The following SLC35F4 variants were observed in gnomAD, a reference collection of about 807,000 sequenced individuals.
SLC35F4 encodes chromosome 14 open reading frame 36.
SLC35F4 carries 24 observed loss-of-function variants against 44.2 expected under a neutral mutation model. That is an observed-to-expected ratio of 0.54 (90% CI 0.39 to 0.76). The LOEUF (loss-of-function observed/expected upper bound fraction) is 0.76. SLC35F4 is among the 30% of genes least tolerant of loss of function. The probability of loss-of-function intolerance (pLI) is 0.00; values close to 1 mark genes in which losing one functional copy is unlikely to be tolerated. For missense variants in SLC35F4, 562 were observed against 586.1 expected (o/e 0.96, Z 0.42); for synonymous variants, 238 against 223.6 (o/e 1.06, Z -0.57).
intron 1 of SLC35F4, among the ~76,000 whole-genome samples, chr14:57,937,352 G>A (rs963957833): frequency 1.4e-4 from 21 of 152,028 alleles, no homozygotes; most frequent in African/African-American, 4.3e-4. Flanking sequence ...ACAGGCGCGA[G>A]CCACCGCACC....
At chr14:57,774,540 T>C (rs2077443304) in intron 1 of SLC35F4, among the ~76,000 whole-genome samples, 1 of 152,168 alleles carries the variant, frequency 6.6e-6, no homozygotes, top group Non-Finnish European at 1.5e-5. Flanking sequence ...AGGGGAACTG[T>C]CTGACCTGAA....
chr14:57,722,807 CAA>C (rs1170981473), intron 1 of SLC35F4, among the ~76,000 whole-genome samples: 1 of 152,124 alleles, frequency 6.6e-6, no homozygotes, highest in Non-Finnish European at 1.5e-5. Flanking sequence ...GTTGAATGGA[CAA>C]AAGACAAATT....
chr14:57,731,215 G>A (rs1283426186), intron 1 of SLC35F4, among the ~76,000 whole-genome samples: 1 of 152,104 alleles, frequency 6.6e-6, no homozygotes, highest in Admixed American at 6.6e-5. Flanking sequence ...CACTAAAGGT[G>A]GGGTCAGTGT....
At chr14:57,600,345 G>C (rs1372167200) in intron 1 of SLC35F4, among the ~76,000 whole-genome samples, 9 of 152,126 alleles carry the variant, frequency 5.9e-5, no homozygotes. Context: ...ACTTGATGTT[G>C]GTTGGTAGCC....
chr14:57,764,116 A>G lies in SLC35F4; in HGVS notation c.103+101607T>C, dbSNP rs143836735. Among the ~76,000 whole-genome samples the G allele has an allele frequency of 4.3e-3, 659 of 152,258 alleles. 2 individuals carry two copies. Among genetic ancestry groups the G allele is most frequent in the Non-Finnish European group, 7.8e-3 (529 of 67,988 alleles). ...GTCAGCCATGTGATTGAGTAATTTT[A>G]TATGTCCACCCCATCTGAGCCTGAA... On this transcript the variant is annotated intron_variant, in intron 1 of 7. Transcript: ENST00000556826.
upstream of SLC35F4, among the ~76,000 whole-genome samples, chr14:57,867,010 G>C (rs1888185999): frequency 7.4e-6 from 1 of 135,046 alleles, no homozygotes; most frequent in Non-Finnish European, 1.6e-5. Flanking sequence ...AATTTTCAAA[G>C]TTTCATCTCA....
intron 1 of SLC35F4, among the ~76,000 whole-genome samples, chr14:57,621,495 G>A (rs181188788): frequency 0.15 from 22,140 of 151,842 alleles, 1,811 homozygotes; most frequent in Middle Eastern, 0.21. Flanking sequence ...ACAGAACAGA[G>A]CCCTCAGAAA....
At chr14:57,907,666 A>T (rs1000121715) in intron 1 of SLC35F4, among the ~76,000 whole-genome samples, 1 of 152,068 alleles carries the variant, frequency 6.6e-6, no homozygotes, top group Non-Finnish European at 1.5e-5. Flanking sequence ...ATCTTTGGAC[A>T]CTGTTAAGCC....
downstream of SLC35F4, among the ~76,000 whole-genome samples, chr14:57,973,817 C>G (rs1193799447): frequency 6.6e-6 from 1 of 152,084 alleles, no homozygotes; most frequent in East Asian, 1.9e-4. Context: ...TTATTTGCCA[C>G]AAACTCAGTG....
At chr14:57,884,765 C>T (rs1221912381) in intron 1 of SLC35F4, among the ~76,000 whole-genome samples, 1 of 152,018 alleles carries the variant, frequency 6.6e-6, no homozygotes, top group African/African-American at 2.4e-5. Flanking sequence ...TAGTATGATG[C>T]TATTATGACT....
At chr14:57,802,744 A>C (rs537864113) in intron 1 of SLC35F4, among the ~76,000 whole-genome samples, 41 of 152,158 alleles carry the variant, frequency 2.7e-4, no homozygotes, top group African/African-American at 9.4e-4. Flanking sequence ...GGACACAGAC[A>C]CCCTCCCAAG....
chr14:57,889,071 GT>G (rs977279771), intron 1 of SLC35F4, among the ~76,000 whole-genome samples: 3 of 152,138 alleles, frequency 2.0e-5, no homozygotes, highest in Middle Eastern at 3.2e-3. Flanking sequence ...ATCACTCTGG[GT>G]TTTTTTCTGC....
At chr14:57,882,492 AG>A (rs1433373896) in intron 1 of SLC35F4, among the ~76,000 whole-genome samples, 1 of 152,108 alleles carries the variant, frequency 6.6e-6, no homozygotes, top group Admixed American at 6.5e-5. Context: ...CATTATATCT[AG>A]TTTTTATGAA....
intron 1 of SLC35F4, among the ~76,000 whole-genome samples, chr14:57,751,953 T>C (rs2076894743): frequency 6.6e-6 from 1 of 152,050 alleles, no homozygotes; most frequent in Non-Finnish European, 1.5e-5. Flanking sequence ...TGTGTGTGTG[T>C]TTGTGTATTT....
At chr14:57,727,124 ATG>A (rs1491077545) in intron 1 of SLC35F4, among the ~76,000 whole-genome samples, 8 of 20,624 alleles carry the variant, frequency 3.9e-4, no homozygotes, top group African/African-American at 9.8e-4. Context: ...TCATATATAT[ATG>A]TATATATGTA....
At chr14:57,810,113 T>G (rs895249078) in intron 1 of SLC35F4, among the ~76,000 whole-genome samples, 1 of 152,216 alleles carries the variant, frequency 6.6e-6, no homozygotes, top group African/African-American at 2.4e-5. Context: ...TCAATCATCA[T>G]TCAAGTTGAG....
At chr14:57,580,574 A>G (rs2069173870) in intron 4 of SLC35F4, 1 of 351,572 alleles carries the variant, frequency 2.8e-6, no homozygotes, top group Non-Finnish European at 5.5e-6. Flanking sequence ...ATAAATATAT[A>G]TGTTTTTAAT....
At chr14:57,603,019 C>G (rs1349831867) in intron 1 of SLC35F4, among the ~76,000 whole-genome samples, 1 of 152,146 alleles carries the variant, frequency 6.6e-6, no homozygotes, top group Non-Finnish European at 1.5e-5. Flanking sequence ...GTCTACTCAG[C>G]CTTGTTACTC....
rs985164962 is a variant in SLC35F4, at chr14:57,580,720, A to G, written c.807+494T>C. On this transcript the variant is annotated intron_variant, in intron 4 of 7. Transcript: ENST00000556826. Reference sequence around the variant, plus strand: ...TCTGCATTAGTCACACTAGATATATAGTCACTTTTAACAGCATTGTGCCAT... The same window carrying G: ...TCTGCATTAGTCACACTAGATATATGGTCACTTTTAACAGCATTGTGCCAT... Among the ~76,000 whole-genome samples the G allele has an allele frequency of 3.0e-4, 45 of 152,118 alleles. 1 individual carries two copies. Among genetic ancestry groups the G allele is most frequent in the Non-Finnish European group, 5.0e-4 (34 of 68,026 alleles).
Sources: gnomAD v4.1 joint callset for allele counts (sites outside exome capture counted in the v4.1 genomes callset) on GRCh38, gnomAD v4.1.1 for gene constraint, MANE v1.5 for transcripts, NCBI Gene and HGNC (gene_info 2026-07-23, HGNC 2026-07-21) for gene names.